Variants in FAM118B observed in about 807,000 individuals in gnomAD.
FAM118B encodes the protein protein FAM118B.
A neutral mutation model predicts 38.5 loss-of-function variants in FAM118B; 24 were observed. The observed-to-expected ratio is 0.62, with a 90% CI of 0.45 to 0.88. FAM118B has a LOEUF of 0.88. Among genes scored for constraint, FAM118B ranks in the 40% least tolerant of loss-of-function variants. The pLI is 0.00. For synonymous variants in FAM118B, 138 were observed against 156.3 expected (o/e 0.88, Z 0.87); for missense variants, 334 against 420.0 (o/e 0.80, Z 1.79).
chr11:126,248,776 A>G (rs1163356833), intron 4 of FAM118B, among the ~76,000 whole-genome samples: 1 of 152,216 alleles, frequency 6.6e-6, no homozygotes, highest in Non-Finnish European at 1.5e-5. Flanking sequence ...ATCACGTCTT[A>G]CTAGGTCTCG....
At position 126,259,846 on chromosome 11, in the gene FAM118B, G is replaced by A. The variant is rs557572300; in HGVS notation, c.983-1579G>A. On this transcript the variant is annotated intron_variant, in intron 7 of 8. Transcript: ENST00000533050. ...CGCCATTCTCCTGCCTCAGTCTCCCGAGTAGCTGGGACTAAAGGCGCCCGC... is the reference window on the plus strand; with the variant it reads ...CGCCATTCTCCTGCCTCAGTCTCCCAAGTAGCTGGGACTAAAGGCGCCCGC... 6.6e-5 allele frequency among the ~76,000 whole-genome samples: 10 copies of A among 151,712 alleles called. No individual in the cohort carries two copies. The East Asian group carries it at 1.7e-3, about 27-fold the overall frequency.
chr11:126,260,214 G>A (rs989582543), intron 7 of FAM118B, among the ~76,000 whole-genome samples: 8 of 151,712 alleles, frequency 5.3e-5, no homozygotes, highest in Admixed American at 1.3e-4. Context: ...TGTATTTTTT[G>A]TAGAGATGGG....
chr11:126,215,799 T>C (rs757927277), intron 1 of FAM118B, among the ~76,000 whole-genome samples: 3 of 150,202 alleles, frequency 2.0e-5, no homozygotes, highest in Non-Finnish European at 4.4e-5. Context: ...CTTTTGAGCC[T>C]AGGAGTTTGA....
chr11:126,252,628 A>G lies in FAM118B; in HGVS notation c.568-1677A>G, dbSNP rs1950520172. ...CATGGTGGTGTTTGCCTGTGGTCCC[A>G]GCTACTTGGGAGGCTGAAGCAGGAC... is the stretch of plus-strand genomic sequence containing the variant. On this transcript the variant is annotated intron_variant, in intron 5 of 8. Transcript: ENST00000533050. The surrounding 1 kb of genome is among the most constrained non-coding windows in gnomAD (Gnocchi z 4.7). Among the ~76,000 whole-genome samples, 1 of 152,156 alleles carries G rather than the reference A, an allele frequency of 6.6e-6. No individual in the cohort carries two copies. The highest frequency in any genetic ancestry group is 6.5e-5 in the Admixed American group (1 of 15,268).
chr11:126,216,685 G>A (rs933350675), intron 1 of FAM118B, among the ~76,000 whole-genome samples: 13 of 152,214 alleles, frequency 8.5e-5, no homozygotes, highest in South Asian at 4.1e-4. Flanking sequence ...TGCAGTCATA[G>A]TGGTGGTGGG....
At chr11:126,237,643 T>C (rs1188640468) in intron 3 of FAM118B, among the ~76,000 whole-genome samples, 1 of 131,322 alleles carries the variant, frequency 7.6e-6, no homozygotes, top group East Asian at 2.3e-4. Flanking sequence ...GAGACCATCC[T>C]GGGTACCTGG....
Position 126,262,964 on chromosome 11 carries a change from A to G in FAM118B, c.*831A>G, listed in dbSNP as rs1461819486. On this transcript the variant is annotated 3_prime_UTR_variant, in exon 9 of 9. Transcript: ENST00000533050. ...TTATTTATGAAATTTATTTTCTTATATAAATTACTTATTTCTCTGGGCAGA... is the reference window on the plus strand; with the variant it reads ...TTATTTATGAAATTTATTTTCTTATGTAAATTACTTATTTCTCTGGGCAGA... The G allele has an allele frequency of 6.5e-6, 1 of 152,694 alleles. No individual in the cohort carries two copies. The highest frequency in any genetic ancestry group is 1.5e-5 in the Non-Finnish European group (1 of 68,056). 9.5% of individuals were successfully genotyped at this position (152,694 alleles called of 1,614,324 possible). A position where few individuals can be genotyped will look rare whatever the true frequency, so the allele number is the denominator to read the frequency against.
chr11:126,261,712 G>A (rs905739482), intron 8 of FAM118B, among the ~76,000 whole-genome samples: 2 of 152,176 alleles, frequency 1.3e-5, no homozygotes, highest in African/African-American at 4.8e-5. Context: ...AGTACTGCTG[G>A]GTGTGGTGGC....
chr11:126,231,820 G>C (rs779013128), intron 2 of FAM118B, among the ~76,000 whole-genome samples: 17 of 152,198 alleles, frequency 1.1e-4, no homozygotes, highest in Non-Finnish European at 2.1e-4. Context: ...GGACAAAATG[G>C]TAGGACAGAT....
intron 4 of FAM118B, among the ~76,000 whole-genome samples, chr11:126,243,539 A>G (rs1950384001): frequency 6.6e-6 from 1 of 152,074 alleles, no homozygotes; most frequent in Non-Finnish European, 1.5e-5. Flanking sequence ...TCCTCAACAA[A>G]GTACAACCAG....
At chr11:126,260,890 C>T (rs1358816068) in intron 7 of FAM118B, 1 of 153,514 alleles carries the variant, frequency 6.5e-6, no homozygotes, top group African/African-American at 2.4e-5. Context: ...TGTCTAGTAT[C>T]ATAGTTAGGA....
At chr11:126,229,896 G>A (rs1177508879) in intron 2 of FAM118B, among the ~76,000 whole-genome samples, 1 of 152,078 alleles carries the variant, frequency 6.6e-6, no homozygotes, top group Non-Finnish European at 1.5e-5. Context: ...GTTCAGATGG[G>A]GTCATTGTTT....
chr11:126,230,503 T>A (rs1022167879), intron 2 of FAM118B, among the ~76,000 whole-genome samples: 1 of 152,250 alleles, frequency 6.6e-6, no homozygotes, highest in African/African-American at 2.4e-5. Flanking sequence ...TTTATTCCAG[T>A]CACTTTTATT....
chr11:126,247,923 A>T lies in FAM118B; in HGVS notation c.340-2583A>T, dbSNP rs145614606. Among the ~76,000 whole-genome samples the T allele has an allele frequency of 3.8e-3, 556 of 147,094 alleles. 1 individual carries two copies. The highest frequency in any genetic ancestry group is 6.4e-3 in the Non-Finnish European group (433 of 67,152). ...TATACGTATATCTATATAGATACGT[A>T]TATCTATATATATATTTTTGTACTC... is the stretch of plus-strand genomic sequence containing the variant. On this transcript the variant is annotated intron_variant, in intron 4 of 8. Transcript: ENST00000533050.
chr11:126,257,605 A>AT (rs5795488), intron 7 of FAM118B, among the ~76,000 whole-genome samples: 98,594 of 140,936 alleles, frequency 0.7, 35,648 homozygotes, highest in East Asian at 0.98. Flanking sequence ...AGAATTGTAC[A>AT]TTTTTTTTTT....
chr11:126,240,048 A>G (rs1950335157), intron 3 of FAM118B, among the ~76,000 whole-genome samples: 1 of 152,182 alleles, frequency 6.6e-6, no homozygotes, highest in East Asian at 1.9e-4. Context: ...GAAGGAACAT[A>G]TTTCAAGCAG....
At position 126,262,122 on chromosome 11, in the gene FAM118B, T is replaced by C. The variant is rs544830559; in HGVS notation, c.1045T>C (p.Cys349Arg). ...TTCTCTTTTCTTTCTCCCTACAGGC[T>C]GTAGTACATGAGCGAGCTAGAGAAA... The part of the protein sequence containing the change: ...SSAAHSEIRG[C>R]ST The change falls in exon 9 of 9, where the codon TGT becomes CGT. Residue 349 changes from cysteine to arginine, a missense_variant and splice_region_variant. Physicochemically the swap from Cys to Arg is radical, Grantham distance 180. This residue lies in a region of FAM118B where 88 missense variants were observed against 98.1 expected (regional missense o/e 0.90). Coordinates refer to ENST00000533050, the MANE Select transcript of FAM118B (RefSeq NM_024556.4). 5.6e-6 allele frequency: 9 copies of C among 1,614,140 alleles called. No individual in the cohort carries two copies. In the East Asian group the frequency reaches 2.0e-4, roughly 36 times the overall value.
intron 7 of FAM118B, among the ~76,000 whole-genome samples, chr11:126,258,823 GC>G (rs2135220061): frequency 6.6e-6 from 1 of 152,302 alleles, no homozygotes; most frequent in South Asian, 2.1e-4. Context: ...TGTTTCTGTT[GC>G]ACTAAATCTT....
intron 5 of FAM118B, among the ~76,000 whole-genome samples, chr11:126,251,590 G>A (rs999556371): frequency 6.6e-6 from 1 of 152,174 alleles, no homozygotes; most frequent in Non-Finnish European, 1.5e-5. Flanking sequence ...TGTATGGTCA[G>A]CTCCTTCTTC....
Sources: gnomAD v4.1 joint callset for allele counts (sites outside exome capture counted in the v4.1 genomes callset) on GRCh38, gnomAD v4.1.1 for gene constraint, gnomAD v4.1.1 regional missense constraint, Gnocchi (gnomAD v3.1) non-coding constraint, MANE v1.5 for transcripts, NCBI Gene and HGNC (gene_info 2026-07-23, HGNC 2026-07-21) for gene names.